Variants in RALGAPB observed in about 807,000 individuals in gnomAD.
RALGAPB encodes the protein ral GTPase-activating protein subunit beta.
A neutral mutation model predicts 161.1 loss-of-function variants in RALGAPB; 25 were observed. That is an observed-to-expected ratio of 0.16 (90% CI 0.11 to 0.22). RALGAPB has a LOEUF of 0.22. Ranked by LOEUF, RALGAPB falls within the 10% of genes least tolerant of loss-of-function variation. The pLI, the probability that RALGAPB is intolerant of heterozygous loss-of-function variation, is 1.00. For synonymous variants in RALGAPB, 629 were observed against 626.1 expected, an observed-to-expected ratio of 1.00 and a Z score of -0.07; for missense variants, 1,391 against 1,815.2, an observed-to-expected ratio of 0.77 and a Z score of 4.25.
intron 3 of RALGAPB, 141 bp from the exon 4 acceptor site, chr20:38,497,212 G>T: frequency 1.4e-6 from 1 of 693,778 alleles, no homozygotes; most frequent in Non-Finnish European, 2.3e-6. Context: ...TTAAACTGAA[G>T]ACGGTATGCC....
At chr20:38,530,601 C>CT (rs761028236) in intron 13 of RALGAPB, among the ~76,000 whole-genome samples, 1,503 of 140,910 alleles carry the variant, frequency 0.011, 12 homozygotes, top group East Asian at 0.028. Flanking sequence ...TTTTCTTTCT[C>CT]TTTTTTTTTT....
At chr20:38,523,137 G>C (rs1047536187) in intron 10 of RALGAPB, among the ~76,000 whole-genome samples, 8 of 151,720 alleles carry the variant, frequency 5.3e-5, no homozygotes, top group Non-Finnish European at 1.0e-4. Flanking sequence ...CTGGGCGACA[G>C]AGTGAGACTC....
At position 38,517,543 on chromosome 20, in the gene RALGAPB, A is replaced by C. The variant is rs1489868680; in HGVS notation, c.1089A>C (p.Thr363=). 2 of 1,608,586 alleles carry C rather than the reference A, an allele frequency of 1.2e-6. No individual in the cohort carries two copies. The highest frequency in any genetic ancestry group is 8.5e-7 in the Non-Finnish European group (1 of 1,178,006). The part of the protein sequence containing the change: ...SRPRSDSAPP[T]PVNRLSMPQS... ...CCCGATCAGACAGTGCTCCCCCAAC[A>C]CCCGTGAATAGATTAAGTATGCCTC... Residue 363 remains threonine, a synonymous_variant, in exon 8 of 30, where the codon ACA becomes ACC. Transcript: ENST00000262879.
intron 24 of RALGAPB, 33 bp from the exon 25 acceptor site, chr20:38,565,326 A>T: frequency 6.2e-7 from 1 of 1,601,426 alleles, no homozygotes; most frequent in Non-Finnish European, 8.5e-7. Flanking sequence ...CTACTTTTTG[A>T]AGCGGTAATG....
rs953565898 is a variant in RALGAPB, at chr20:38,539,944, A to G, written c.2548A>G (p.Met850Val). Residue 850 changes from methionine to valine, a missense_variant, in exon 17 of 30, where the codon ATG becomes GTG. Coordinates refer to ENST00000262879, the MANE Select transcript of RALGAPB (RefSeq NM_020336.4). ...LCVWLTEHPD[M>V]LDEKDCLKEV... ...TGTCTGGCTGACAGAGCACCCTGAT[A>G]TGCTTGATGAAAAGGTGAGTTTATT... The G allele has an allele frequency of 3.7e-6, 6 of 1,609,058 alleles. No individual in the cohort carries two copies. The highest frequency in any genetic ancestry group is 1.1e-5 in the South Asian group (1 of 89,842).
At position 38,578,188 on chromosome 20, in the gene RALGAPB, C is replaced by T. The variant is rs1376268667; in HGVS notation, c.*3221C>T. 6.6e-6 allele frequency: 1 copy of T among 152,206 alleles called. No individual in the cohort carries two copies. The highest frequency in any genetic ancestry group is 2.4e-5 in the African/African-American group (1 of 41,466). 9.4% of individuals were successfully genotyped at this position (152,206 alleles called of 1,614,324 possible). A position where few individuals can be genotyped will look rare whatever the true frequency, so the allele number is the denominator to read the frequency against. On this transcript the variant is annotated 3_prime_UTR_variant, in exon 30 of 30. Transcript: ENST00000262879. ...TGAAAAGAACTGATTGCTGTGTTTACATGAAATGACATTGGAGTCAGATGG... is the reference window on the plus strand; with the variant it reads ...TGAAAAGAACTGATTGCTGTGTTTATATGAAATGACATTGGAGTCAGATGG...
rs144093426 is a variant in RALGAPB, at chr20:38,567,226, A to G, written c.3948A>G (p.Ser1316=). The change falls in exon 26 of 30, where the codon TCA becomes TCG. Residue 1316 remains serine, a synonymous_variant. Coordinates refer to ENST00000262879, the MANE Select transcript of RALGAPB (RefSeq NM_020336.4). The part of the protein sequence containing the change: ...FPNHTDNLNS[S]QRLSPSSRMR... ...ATCATACAGACAATCTTAATTCCTCACAGAGGGTAAGTTACTTTGTTGATA... is the reference window on the plus strand; with the variant it reads ...ATCATACAGACAATCTTAATTCCTCGCAGAGGGTAAGTTACTTTGTTGATA... 8.5e-5 allele frequency: 137 copies of G among 1,612,824 alleles called. No homozygotes were observed. In the East Asian group the frequency reaches 1.9e-3, roughly 22 times the overall value.
chr20:38,532,475 A>C (rs1405505159), intron 14 of RALGAPB, among the ~76,000 whole-genome samples: 2 of 152,222 alleles, frequency 1.3e-5, no homozygotes, highest in Non-Finnish European at 2.9e-5. Flanking sequence ...AAGCTGGGCC[A>C]GCCCTTTGTA....
chr20:38,549,122 G>A (rs541634791), intron 20 of RALGAPB, among the ~76,000 whole-genome samples: 25 of 152,122 alleles, frequency 1.6e-4, no homozygotes, highest in Middle Eastern at 3.4e-3. Flanking sequence ...TATACCATAC[G>A]TGAAAAAAAT....
At position 38,531,174 on chromosome 20, in the gene RALGAPB, G is replaced by A; in HGVS notation, c.2058G>A (p.Met686Ile). 6 of 1,608,284 alleles carry A rather than the reference G, an allele frequency of 3.7e-6. No individual in the cohort carries two copies. In the Middle Eastern group the frequency reaches 5.0e-4, roughly 133 times the overall value. Residue 686 changes from methionine (M) to isoleucine (I), a missense_variant, in exon 14 of 30, where the codon ATG becomes ATA. By Grantham distance (10) the Met-to-Ile change is conservative. Around this residue, in one of 3 missense-constraint regions of RALGAPB, gnomAD observed 946 missense variants for 1,257.2 expected, o/e 0.75. Coordinates refer to ENST00000262879, the MANE Select transcript of RALGAPB (RefSeq NM_020336.4). Reference sequence around the variant, plus strand: ...GTTTTATTGTTGTTGTAGGGGCAATGTTAAATATTGTTCAAGATTCAGCAC... The same window carrying A: ...GTTTTATTGTTGTTGTAGGGGCAATATTAAATATTGTTCAAGATTCAGCAC... The part of the protein sequence containing the change: ...PNNTQMILGA[M>I]LNIVQDSALL...
At chr20:38,502,060 TAAA>T (rs1413084954) in intron 5 of RALGAPB, among the ~76,000 whole-genome samples, 2 of 152,224 alleles carry the variant, frequency 1.3e-5, no homozygotes, top group East Asian at 3.9e-4. Context: ...AAACAATAGG[TAAA>T]GAAATGTAAA....
intron 5 of RALGAPB, 77 bp downstream of exon 5, chr20:38,499,710 A>G: frequency 7.2e-7 from 1 of 1,379,448 alleles, no homozygotes; most frequent in Non-Finnish European, 9.7e-7. Flanking sequence ...GGAATACATT[A>G]TAACAAAGGC....
chr20:38,574,376 T>C, intron 29 of RALGAPB, 78 bp downstream of exon 29: 2 of 1,445,460 alleles, frequency 1.4e-6, no homozygotes, highest in Non-Finnish European at 1.9e-6. Context: ...GAAGTAAAAA[T>C]AAGGAAATGG....
chr20:38,558,723 G>T (rs930828017), intron 23 of RALGAPB, among the ~76,000 whole-genome samples: 2 of 152,160 alleles, frequency 1.3e-5, no homozygotes, highest in African/African-American at 4.8e-5. Flanking sequence ...TTAATGAGTG[G>T]ATATAAATTA....
At chr20:38,535,383 T>C (rs143861186) in intron 16 of RALGAPB, among the ~76,000 whole-genome samples, 176 bp downstream of exon 16, 2,037 of 152,378 alleles carry the variant, frequency 0.013, 22 homozygotes, top group South Asian at 0.018. Flanking sequence ...CAATGAACTT[T>C]ACTTTTTAAA....
chr20:38,519,399 C>CT (rs949416176), intron 9 of RALGAPB, among the ~76,000 whole-genome samples: 2 of 151,184 alleles, frequency 1.3e-5, no homozygotes, highest in African/African-American at 2.4e-5. Context: ...TTTCTTTTTT[C>CT]TTTTTGTTAA....
chr20:38,545,296 G>A (rs2087125589), intron 18 of RALGAPB, among the ~76,000 whole-genome samples: 1 of 151,860 alleles, frequency 6.6e-6, no homozygotes, highest in African/African-American at 2.4e-5. Flanking sequence ...ATGGTATATG[G>A]GAATAATAGT....
chr20:38,516,073 T>C, intron 6 of RALGAPB, 119 bp from the exon 7 acceptor site: 2 of 732,090 alleles, frequency 2.7e-6, no homozygotes, highest in Non-Finnish European at 4.2e-6. Flanking sequence ...TAAATACAAA[T>C]CAGTCTCTTT....
chr20:38,501,856 G>A (rs2085605924), intron 5 of RALGAPB, among the ~76,000 whole-genome samples: 1 of 152,006 alleles, frequency 6.6e-6, no homozygotes, highest in African/African-American at 2.4e-5. Flanking sequence ...CAAATGAACC[G>A]TGTATCCTAG....
Sources: allele counts gnomAD v4.1 joint callset (sites outside exome capture counted in the v4.1 genomes callset), GRCh38; gene constraint gnomAD v4.1.1; regional missense constraint gnomAD v4.1.1; transcripts MANE v1.5; gene names NCBI Gene and HGNC (gene_info 2026-07-23, HGNC 2026-07-21).